The following FAM171A2 variants were observed in gnomAD, a reference collection of about 807,000 sequenced individuals.
The protein encoded by FAM171A2 is protein FAM171A2.
A neutral mutation model predicts 34.2 loss-of-function variants in FAM171A2; 13 were observed. The observed-to-expected ratio is 0.38, with a 90% CI of 0.25 to 0.60. The LOEUF (loss-of-function observed/expected upper bound fraction) is 0.60. Among genes scored for constraint, FAM171A2 ranks in the 20% least tolerant of loss-of-function variants. FAM171A2 has a pLI of 0.62. For synonymous variants in FAM171A2, 475 were observed against 561.2 expected (o/e 0.85, Z 2.17); for missense variants, 950 against 1,180.7 (o/e 0.80, Z 2.86).
chr17:44,357,983 C>T (rs533161268), intron 3 of FAM171A2, among the ~76,000 whole-genome samples: 64 of 152,264 alleles, frequency 4.2e-4, no homozygotes, highest in African/African-American at 1.3e-3. Context: ...TCACAATCCT[C>T]GAGCCCGGAT....
rs1453950809 is a variant in FAM171A2, at chr17:44,355,044, G to A, written c.1170C>T (p.Pro390=). ...GGAGGGGGCCTGGAGGCGGAGCCTC[G>A]GGGTCCCCCGACGGGGCGGGTTCCA... ...GPLEPAPSGD[P]EAPPPGPLHS... The change falls in exon 8 of 8, where the codon CCC becomes CCT. Residue 390 remains proline, a synonymous_variant. Transcript: ENST00000293443. This position sits in a 1 kb window ranked among gnomAD's most constrained non-coding sequence, Gnocchi z 4.1. 1 of 1,540,630 alleles carries A rather than the reference G, an allele frequency of 6.5e-7. No individual in the cohort carries two copies. The highest frequency in any genetic ancestry group is 8.8e-7 in the Non-Finnish European group (1 of 1,142,732).
rs757335130 is a variant in FAM171A2 at position 44,356,580 on chromosome 17, A to G, written c.448T>C (p.Ser150Pro). The G allele has an allele frequency of 1.3e-6, 2 of 1,543,006 alleles. No homozygotes were observed. Among genetic ancestry groups the G allele is most frequent in the South Asian group, 2.4e-5 (2 of 83,522 alleles). The change falls in exon 4 of 8, where the codon TCC (serine) becomes CCC (proline). Residue 150 changes from serine to proline, a missense_variant. This residue lies in a region of FAM171A2 where 752 missense variants were observed against 924.5 expected (regional missense o/e 0.81). Transcript: ENST00000293443. The part of the protein sequence containing the change: ...HILLGSPGAR[S>P]QPLVQFQRRA... ...CGCTGGAACTGCACCAAGGGCTGGG[A>G]GCGGGCACCTGGAGGGAAAGAGGGG...
Position 44,355,209 on chromosome 17 carries a change from G to T in FAM171A2, c.1023-18C>A. On this transcript the variant is annotated intron_variant, in intron 7 of 7. Coordinates refer to ENST00000293443, the MANE Select transcript of FAM171A2 (RefSeq NM_198475.3). The surrounding 1 kb of genome is among the most constrained non-coding windows in gnomAD (Gnocchi z 4.1). The stretch of plus-strand genomic sequence containing the variant: ...AGCGCCTCCTGGAAGGGAGGGAGCA[G>T]AAGGGGCCGCTCAGGAAAGGGTGAG... 1 of 1,549,778 alleles carries T rather than the reference G, an allele frequency of 6.5e-7. No homozygotes were observed. Among genetic ancestry groups the T allele is most frequent in the East Asian group, 2.4e-5 (1 of 40,912 alleles).
chr17:44,360,256 C>T (rs2048442923), intron 1 of FAM171A2, 124 bp from the exon 2 acceptor site: 2 of 782,032 alleles, frequency 2.6e-6, no homozygotes, highest in Admixed American at 5.3e-5. Flanking sequence ...CTAGAGAAGG[C>T]ATGATTTAAG....
rs1056810351 is a variant in FAM171A2 at position 44,355,004 on chromosome 17, T to C, written c.1210A>G (p.Ser404Gly). Residue 404 changes from serine to glycine, a missense_variant, in exon 8 of 8, where the codon AGC (serine) becomes GGC (glycine). Ser to Gly is a moderately conservative substitution (Grantham distance 56, BLOSUM62 0). Transcript: ENST00000293443. This position sits in a 1 kb window ranked among gnomAD's most constrained non-coding sequence, Gnocchi z 4.1. The part of the protein sequence containing the change: ...PPGPLHSAFS[S>G]SRDLASSRDD... ...CGGGAGGAGGCCAAGTCCCGGGAGC[T>C]GGAGAAGGCCGAGTGGAGGGGGCCT... 5 of 1,504,850 alleles carry C rather than the reference T, an allele frequency of 3.3e-6. No individual in the cohort carries two copies. The African/African-American group carries it at 7.0e-5, about 21-fold the overall frequency. 93.2% of individuals were successfully genotyped at this position (1,504,850 alleles called of 1,614,324 possible).
At chr17:44,358,622 CA>C (rs1341459312) in intron 3 of FAM171A2, among the ~76,000 whole-genome samples, 1 of 151,930 alleles carries the variant, frequency 6.6e-6, no homozygotes, top group Non-Finnish European at 1.5e-5. Context: ...ACCCAGAAAG[CA>C]AAGGTTGCAG....
intron 3 of FAM171A2, 25 bp downstream of exon 3, chr17:44,359,554 T>C (rs2048439141): frequency 6.5e-7 from 1 of 1,541,818 alleles, no homozygotes; most frequent in Non-Finnish European, 8.8e-7. Context: ...GAAGAAGAGT[T>C]GGCGTGGGTG....
rs1385064331 is a variant in FAM171A2, at chr17:44,356,234, G to A, written c.717C>T (p.Ser239=). 11 of 1,551,388 alleles carry A rather than the reference G, an allele frequency of 7.1e-6. No homozygotes were observed. Among genetic ancestry groups the A allele is most frequent in the East Asian group, 2.4e-5 (1 of 40,916 alleles). ...TGCCCACGGTGAGGGCACGAGTCTC[G>A]GAGGGCACGGGCAGGGACAGGTGAA... ...GPIHLSLPVP[S]ETRALTVGTS... The change falls in exon 5 of 8, where the codon TCC becomes TCT. Residue 239 remains serine, a synonymous_variant. Coordinates refer to ENST00000293443, the MANE Select transcript of FAM171A2 (RefSeq NM_198475.3).
chr17:44,362,773 G>A (rs1013070499), intron 1 of FAM171A2, among the ~76,000 whole-genome samples: 3 of 152,162 alleles, frequency 2.0e-5, no homozygotes, highest in Non-Finnish European at 4.4e-5. Flanking sequence ...ATGAGGAGGG[G>A]GTGATATGGG....
chr17:44,358,847 C>A (rs2048436197), intron 3 of FAM171A2: 1 of 152,486 alleles, frequency 6.6e-6, no homozygotes, highest in South Asian at 2.1e-4. Context: ...TACCCTCCAC[C>A]TGATGTCTCC....
Position 44,359,657 on chromosome 17 carries a change from T to C in FAM171A2, c.361A>G (p.Ser121Gly). The C allele has an allele frequency of 6.4e-7, 1 of 1,550,738 alleles. No homozygotes were observed. Among genetic ancestry groups the C allele is most frequent in the Non-Finnish European group, 8.7e-7 (1 of 1,146,892 alleles). ...GGCCGCTCAGGGAGCAGGTAGAGGC[T>C]GACAGACGCATACACTGCGGGAGGG... ...VDKLPLYASV[S>G]LYLLPERPAT... Residue 121 changes from serine to glycine, a missense_variant, in exon 3 of 8, where the codon AGC (serine) becomes GGC (glycine). By Grantham distance (56) the Ser-to-Gly change is moderately conservative. Coordinates refer to ENST00000293443, the MANE Select transcript of FAM171A2 (RefSeq NM_198475.3).
intron 1 of FAM171A2, among the ~76,000 whole-genome samples, chr17:44,362,089 C>T (rs547004135): frequency 6.6e-6 from 1 of 150,572 alleles, no homozygotes; most frequent in Non-Finnish European, 1.5e-5. Context: ...CTGTGCCAAC[C>T]TTGCGGGTGG....
intron 2 of FAM171A2, 31 bp downstream of exon 2, chr17:44,359,874 G>GT (rs2048440948): frequency 6.7e-7 from 1 of 1,500,400 alleles, no homozygotes. Flanking sequence ...GTCAGCTGCT[G>GT]TCCCCCCCCT....
chr17:44,361,759 C>G (rs1056234739), intron 1 of FAM171A2, among the ~76,000 whole-genome samples: 22 of 152,192 alleles, frequency 1.4e-4, no homozygotes, highest in African/African-American at 5.1e-4. Flanking sequence ...TAGGCACTAT[C>G]CTTCCATGTC....
At position 44,354,534 on chromosome 17, in the gene FAM171A2, G is replaced by C. The variant is rs145834427; in HGVS notation, c.1680C>G (p.Asp560Glu). The change falls in exon 8 of 8, where the codon GAC becomes GAG. Residue 560 changes from aspartate to glutamate, a missense_variant. By Grantham distance (45) the Asp-to-Glu change is conservative. Around this residue, in one of 3 missense-constraint regions of FAM171A2, gnomAD observed 752 missense variants for 924.5 expected, o/e 0.81. Coordinates refer to ENST00000293443, the MANE Select transcript of FAM171A2 (RefSeq NM_198475.3). The surrounding 1 kb of genome is among the most constrained non-coding windows in gnomAD (Gnocchi z 5.8). ...GGEAGAAGVG[D>E]EPAPPEGTAP... The stretch of plus-strand genomic sequence containing the variant: ...CCGTGCCCTCCGGCGGGGCCGGCTC[G>C]TCGCCCACGCCGGCGGCGCCCGCCT... The C allele has an allele frequency of 1.7e-6, 2 of 1,175,236 alleles. No homozygotes were observed. Among genetic ancestry groups the C allele is most frequent in the Admixed American group, 9.2e-5 (2 of 21,678 alleles). 72.8% of individuals were successfully genotyped at this position (1,175,236 alleles called of 1,614,324 possible).
Position 44,363,606 on chromosome 17 carries a change from T to G in FAM171A2, c.109A>C (p.Ser37Arg), listed in dbSNP as rs2048457352. 1 of 1,227,540 alleles carries G rather than the reference T, an allele frequency of 8.1e-7. No individual in the cohort carries two copies. Among genetic ancestry groups the G allele is most frequent in the African/African-American group, 1.6e-5 (1 of 63,982 alleles). 76.0% of individuals were successfully genotyped at this position (1,227,540 alleles called of 1,614,324 possible). A position where few individuals can be genotyped will look rare whatever the true frequency, so the allele number is the denominator to read the frequency against. ...CCCGGCTGAGACTCACCCTGCGGGCTGGGGGGCTCCGGCGGCGACTTGCCG... is the reference window on the plus strand; with the variant it reads ...CCCGGCTGAGACTCACCCTGCGGGCGGGGGGGCTCCGGCGGCGACTTGCCG... Reference protein sequence around the residue: ...APGKSPPEPPSPQEILIKVQV... With the variant: ...APGKSPPEPPRPQEILIKVQV... Residue 37 changes from serine (S) to arginine (R), a missense_variant, in exon 1 of 8, where the codon AGC becomes CGC. By Grantham distance (110) the Ser-to-Arg change is moderately radical (BLOSUM62 -1). Coordinates refer to ENST00000293443, the MANE Select transcript of FAM171A2 (RefSeq NM_198475.3).
Position 44,363,768 on chromosome 17 carries a change from C to G in FAM171A2, c.-54G>C. The G allele has an allele frequency of 1.1e-6, 1 of 870,640 alleles. No homozygotes were observed. Among genetic ancestry groups the G allele is most frequent in the Non-Finnish European group, 1.5e-6 (1 of 672,068 alleles). 53.9% of individuals were successfully genotyped at this position (870,640 alleles called of 1,614,324 possible). A position where few individuals can be genotyped will look rare whatever the true frequency, so the allele number is the denominator to read the frequency against. ...CATGGCTCCCGCCTGGTCCCGCTCGCCCGGCCCCGCGCAGCCCCAGCTCTG... is the reference window on the plus strand; with the variant it reads ...CATGGCTCCCGCCTGGTCCCGCTCGGCCGGCCCCGCGCAGCCCCAGCTCTG... On this transcript the variant is annotated 5_prime_UTR_variant, in exon 1 of 8. Transcript: ENST00000293443.
chr17:44,359,303 A>C, intron 3 of FAM171A2: 6 of 439,222 alleles, frequency 1.4e-5, no homozygotes, highest in Non-Finnish European at 1.7e-5. Flanking sequence ...GTGGCAGGGA[A>C]GGTAGGAATA....
At position 44,353,984 on chromosome 17, in the gene FAM171A2, G is replaced by A; in HGVS notation, c.2230C>T (p.Pro744Ser). 1.6e-6 allele frequency: 2 copies of A among 1,277,770 alleles called. No individual in the cohort carries two copies. Among genetic ancestry groups the A allele is most frequent in the Non-Finnish European group, 2.0e-6 (2 of 1,015,126 alleles). 79.2% of individuals were successfully genotyped at this position (1,277,770 alleles called of 1,614,324 possible). A position where few individuals can be genotyped will look rare whatever the true frequency, so the allele number is the denominator to read the frequency against. The part of the protein sequence containing the change: ...SSESRTGLCS[P>S]EDNSLTPLLD... Reference sequence around the variant, plus strand: ...AGCGGCGTCAGCGAGTTGTCCTCCGGAGAGCAGAGGCCCGTGCGGCTCTCG... The same window carrying A: ...AGCGGCGTCAGCGAGTTGTCCTCCGAAGAGCAGAGGCCCGTGCGGCTCTCG... The change falls in exon 8 of 8, where the codon CCG (proline) becomes TCG (serine). Residue 744 changes from proline (P) to serine (S), a missense_variant. This residue lies in a region of FAM171A2 where 191 missense variants were observed against 222.8 expected (regional missense o/e 0.86). Coordinates refer to ENST00000293443, the MANE Select transcript of FAM171A2 (RefSeq NM_198475.3).
Sources: allele counts gnomAD v4.1 joint callset (sites outside exome capture counted in the v4.1 genomes callset), GRCh38; gene constraint gnomAD v4.1.1; regional missense constraint gnomAD v4.1.1; non-coding constraint Gnocchi (gnomAD v3.1); transcripts MANE v1.5; gene names NCBI Gene and HGNC (gene_info 2026-07-23, HGNC 2026-07-21).